Variants in DMD observed in about 807,000 individuals in gnomAD.
The protein encoded by DMD is mutant dystrophin.
A neutral mutation model predicts 330.1 loss-of-function variants in DMD; 63 were observed. The observed-to-expected ratio is 0.19, with a 90% CI of 0.16 to 0.24. The LOEUF is 0.24. Ranked by LOEUF, DMD falls within the 10% of genes least tolerant of loss-of-function variation. The probability of loss-of-function intolerance (pLI) is 1.00; values close to 1 mark genes in which losing one functional copy is unlikely to be tolerated. For missense variants in DMD, 3,344 were observed against 2,684.1 expected (o/e 1.25, Z -5.43); for synonymous variants, 1,223 against 959.8 (o/e 1.27, Z -5.07).
chrX:32,023,037 T>A (rs1336490623), intron 44 of DMD, among the ~76,000 whole-genome samples: 1 of 109,687 alleles, frequency 9.1e-6, no homozygotes, highest in Non-Finnish European at 1.9e-5. Context: ...CTCACCATGT[T>A]GGCCAGGATG....
intron 7 of DMD, among the ~76,000 whole-genome samples, chrX:32,789,687 A>G (rs2075675313): frequency 8.9e-6 from 1 of 111,792 alleles, no homozygotes; most frequent in African/African-American, 3.3e-5. Flanking sequence ...CAGTTTTTCC[A>G]TTTATAAAAG....
At chrX:31,972,714 T>C (rs753606045) in intron 44 of DMD, among the ~76,000 whole-genome samples, 21 of 112,099 alleles carry the variant, frequency 1.9e-4, no homozygotes, top group African/African-American at 6.5e-4. Context: ...GATTTACTTG[T>C]AATTTTGTTC....
chrX:33,140,995 T>A (rs1273829743), intron 1 of DMD, among the ~76,000 whole-genome samples: 5 of 112,148 alleles, frequency 4.5e-5, no homozygotes, highest in African/African-American at 1.6e-4. Flanking sequence ...CCCTAGATAA[T>A]AATTGTTAAG....
chrX:32,341,979 A>C, intron 41 of DMD, 121 bp downstream of exon 41: 1 of 727,201 alleles, frequency 1.4e-6, no homozygotes. Flanking sequence ...CACTTTCAGA[A>C]TGTACATTAG....
At chrX:32,354,899 G>T (rs2097793748) in intron 37 of DMD, among the ~76,000 whole-genome samples, 1 of 111,367 alleles carries the variant, frequency 9.0e-6, no homozygotes, top group Non-Finnish European at 1.9e-5. Flanking sequence ...GTTTAACTTA[G>T]AATATTGCCC....
At chrX:31,938,967 G>A (rs772922936) in intron 45 of DMD, among the ~76,000 whole-genome samples, 1 of 110,993 alleles carries the variant, frequency 9.0e-6, no homozygotes, top group Admixed American at 9.6e-5. Context: ...TCCTCTATCA[G>A]GTTTACTTCT....
chrX:32,883,846 A>AAGAAAAAAAAAG (rs1557113665), intron 2 of DMD, among the ~76,000 whole-genome samples: 1 of 101,965 alleles, frequency 9.8e-6, no homozygotes, highest in African/African-American at 3.7e-5. Flanking sequence ...AAAAAAAAAA[A>AAGAAAAAAAAAG]AAAAAGAAAA....
At chrX:31,314,423 T>C (rs1424347969) in intron 62 of DMD, among the ~76,000 whole-genome samples, 2 of 111,960 alleles carry the variant, frequency 1.8e-5, no homozygotes, top group Non-Finnish European at 3.8e-5. Context: ...TGACATGCAA[T>C]GGCTTTGGGG....
chrX:31,464,286 A>G (rs1437015833), intron 59 of DMD, among the ~76,000 whole-genome samples: 2 of 111,995 alleles, frequency 1.8e-5, no homozygotes, highest in Non-Finnish European at 3.8e-5. Flanking sequence ...ATTTAATCCA[A>G]TAACAATAAT....
chrX:31,209,233 T>A (rs761576747), intron 65 of DMD, among the ~76,000 whole-genome samples: 54 of 112,024 alleles, frequency 4.8e-4, no homozygotes, highest in African/African-American at 1.7e-3. Flanking sequence ...AACCAAAGGC[T>A]ATATGTCGAC....
In DMD at chrX:31,119,308, C is replaced by G. The variant is rs953261908; in HGVS notation, c.*2611G>C. The G allele has an allele frequency of 4.5e-5, 5 of 111,977 alleles. No homozygotes were observed. The highest frequency in any genetic ancestry group is 3.7e-4 in the South Asian group (1 of 2,679). The allele number at this position is 111,977 out of a possible 1,213,427, so 9.2% of individuals were successfully genotyped here. A position where few individuals can be genotyped will look rare whatever the true frequency, so the allele number is the denominator to read the frequency against. On this transcript the variant is annotated 3_prime_UTR_variant, in exon 79 of 79. Transcript: ENST00000357033. ...TAGTAAGGCATATATTTGGTGAAGT[C>G]TGATATGTTGTGAAAATGCAGTAAA...
At chrX:32,421,132 T>C (rs780739327) in intron 29 of DMD, among the ~76,000 whole-genome samples, 2 of 112,349 alleles carry the variant, frequency 1.8e-5, no homozygotes, top group Non-Finnish European at 3.8e-5. Flanking sequence ...TATTTATTTA[T>C]CACAAATACT....
chrX:33,059,407 T>C (rs1294456012), intron 1 of DMD, among the ~76,000 whole-genome samples: 2 of 110,362 alleles, frequency 1.8e-5, no homozygotes, highest in African/African-American at 3.3e-5. Flanking sequence ...TCTCTCTCTC[T>C]CCAACTCCCA....
At chrX:32,585,617 A>G (rs1179772031) in intron 13 of DMD, among the ~76,000 whole-genome samples, 6 of 96,782 alleles carry the variant, frequency 6.2e-5, no homozygotes, top group African/African-American at 1.9e-4. Context: ...GGAGAATGGC[A>G]TGAACCCGGG....
intron 2 of DMD, among the ~76,000 whole-genome samples, chrX:32,922,862 T>C (rs1212594846): frequency 8.9e-6 from 1 of 112,364 alleles, no homozygotes; most frequent in Non-Finnish European, 1.9e-5. Flanking sequence ...GTTGTAGTAT[T>C]GGTATATAAA....
At chrX:32,227,590 G>T (rs529948376) in intron 43 of DMD, among the ~76,000 whole-genome samples, 2 of 108,415 alleles carry the variant, frequency 1.8e-5, no homozygotes, top group South Asian at 8.2e-4. Flanking sequence ...CGAAGGATAG[G>T]AAATTGCTTA....
intron 43 of DMD, among the ~76,000 whole-genome samples, chrX:32,261,309 G>A (rs1416262549): frequency 8.9e-6 from 1 of 111,831 alleles, no homozygotes; most frequent in Non-Finnish European, 1.9e-5. Flanking sequence ...AGTGATTTGG[G>A]TGGAGAGAGA....
intron 49 of DMD, among the ~76,000 whole-genome samples, chrX:31,834,490 A>C (rs1603484091): frequency 8.9e-6 from 1 of 111,822 alleles, no homozygotes; most frequent in East Asian, 2.8e-4. Context: ...CCCAGGCTGG[A>C]GTGCAACAGC....
At chrX:32,187,460 G>A (rs1221863013) in intron 44 of DMD, among the ~76,000 whole-genome samples, 1 of 111,439 alleles carries the variant, frequency 9.0e-6, no homozygotes, top group Non-Finnish European at 1.9e-5. Context: ...GGAGTCACAG[G>A]TGACACAGCT....
Sources: gnomAD v4.1 joint callset for allele counts (sites outside exome capture counted in the v4.1 genomes callset) on GRCh38, gnomAD v4.1.1 for gene constraint, MANE v1.5 for transcripts, NCBI Gene and HGNC (gene_info 2026-07-23, HGNC 2026-07-21) for gene names.